Variants in CLIC5 observed in about 807,000 individuals in gnomAD.
CLIC5 encodes the protein chloride intracellular channel protein 5.
A neutral mutation model predicts 24.7 loss-of-function variants in CLIC5; 20 were observed. The ratio of observed to expected loss-of-function variants is 0.81; its 90% CI spans 0.57 to 1.18. The LOEUF (loss-of-function observed/expected upper bound fraction) is 1.18, where lower values mean the gene tolerates loss of function less well. Ranked by LOEUF, CLIC5 falls within the 50% of genes most tolerant of loss-of-function variation. The pLI is 0.00. For synonymous variants in CLIC5, 159 were observed against 135.6 expected (o/e 1.17, Z -1.20); for missense variants, 341 against 326.1 (o/e 1.05, Z -0.35).
chr6:46,106,754 C>T, the CLIC5 span, among the ~76,000 whole-genome samples: 7 of 152,188 alleles, frequency 4.6e-5, no homozygotes, highest in East Asian at 1.9e-4. Context: ...CCAAACTCCT[C>T]GAAAAAGCTA....
chr6:45,988,333 G>A (rs914781427), intron 1 of CLIC5, among the ~76,000 whole-genome samples: 1 of 152,128 alleles, frequency 6.6e-6, no homozygotes, highest in African/African-American at 2.4e-5. Context: ...TAGCCTGCTG[G>A]GGTGGCAGTT....
chr6:45,999,242 C>T (rs529047848), intron 1 of CLIC5, among the ~76,000 whole-genome samples: 36 of 152,106 alleles, frequency 2.4e-4, no homozygotes, highest in African/African-American at 8.4e-4. Flanking sequence ...AACAGAATGG[C>T]AGAAAGCAGA....
intron 1 of CLIC5, among the ~76,000 whole-genome samples, chr6:46,049,868 G>C (rs752326937): frequency 1.3e-5 from 2 of 152,198 alleles, no homozygotes. Flanking sequence ...AGTTAAACAA[G>C]ATTCAAGGTT....
intron 4 of CLIC5, chr6:45,937,619 A>G (rs1441130333): frequency 6.6e-6 from 1 of 152,274 alleles, no homozygotes; most frequent in Admixed American, 6.5e-5. Context: ...TGGCAACTCC[A>G]GAACCTAGCA....
intron 4 of CLIC5, among the ~76,000 whole-genome samples, chr6:45,926,415 A>T (rs1019673114): frequency 1.6e-4 from 22 of 140,868 alleles, no homozygotes; most frequent in African/African-American, 3.9e-4. Flanking sequence ...ACCCGGCTAA[A>T]TTTTTTTTTT....
rs1339325745 is a variant in CLIC5 at position 46,070,335 on chromosome 6, G to A, written c.540+9368C>T. Among the ~76,000 whole-genome samples the A allele has an allele frequency of 3.9e-5, 6 of 152,200 alleles. No individual in the cohort carries two copies. The South Asian group carries it at 1.0e-3, about 26-fold the overall frequency. ...ATATCTAGAAAACCCCATAGTCTTG[G>A]CCCAAAAGCTCCTTAAGCTAGTAAG... On this transcript the variant is annotated intron_variant, in intron 1 of 5. Coordinates refer to the CLIC5 transcript ENST00000185206.
intron 1 of CLIC5, among the ~76,000 whole-genome samples, chr6:46,053,570 TCC>T (rs1768163473): frequency 6.6e-6 from 1 of 152,168 alleles, no homozygotes; most frequent in Admixed American, 6.5e-5. Context: ...TGGCCTTCCC[TCC>T]CACCCAGTAA....
chr6:45,985,613 A>G (rs1429600366), intron 1 of CLIC5, among the ~76,000 whole-genome samples: 2 of 152,022 alleles, frequency 1.3e-5, no homozygotes, highest in South Asian at 2.1e-4. Flanking sequence ...AATAGCATCA[A>G]GGGGCTCCCT....
chr6:46,002,020 G>C (rs78593057), intron 1 of CLIC5, among the ~76,000 whole-genome samples: 2,344 of 152,046 alleles, frequency 0.015, 70 homozygotes, highest in African/African-American at 0.055. Flanking sequence ...CCCCACACCA[G>C]GGAGTAAACT....
the CLIC5 span, among the ~76,000 whole-genome samples, chr6:46,118,811 C>T: frequency 2.6e-5 from 4 of 152,202 alleles, no homozygotes; most frequent in Non-Finnish European, 5.9e-5. Context: ...TGTCTACATC[C>T]TAATCCCCAG....
At chr6:45,914,633 C>G in intron 4 of CLIC5, 2 of 858,986 alleles carry the variant, frequency 2.3e-6, no homozygotes, top group Non-Finnish European at 3.0e-6. Flanking sequence ...ACTAGCTAAT[C>G]TTTTGCTTTG....
At chr6:45,916,682 G>T (rs899012975) in intron 4 of CLIC5, among the ~76,000 whole-genome samples, 4 of 152,208 alleles carry the variant, frequency 2.6e-5, no homozygotes, top group African/African-American at 9.7e-5. Flanking sequence ...TTGGTGAAAA[G>T]CCTAGAGCAG....
At chr6:46,040,222 G>T (rs1422506724) in intron 1 of CLIC5, among the ~76,000 whole-genome samples, 2 of 152,204 alleles carry the variant, frequency 1.3e-5, no homozygotes, top group East Asian at 3.8e-4. Context: ...TGGTGGTGGT[G>T]AAAATGATGG....
intron 4 of CLIC5, chr6:45,934,143 A>T (rs1418630011): frequency 1.3e-5 from 2 of 152,270 alleles, no homozygotes; most frequent in African/African-American, 2.4e-5. Flanking sequence ...TTGTCTGCTC[A>T]CAAGTTTAGA....
chr6:46,007,661 A>G (rs946286138), intron 1 of CLIC5, among the ~76,000 whole-genome samples: 21 of 151,730 alleles, frequency 1.4e-4, no homozygotes, highest in Non-Finnish European at 2.9e-5. Flanking sequence ...TTATCTCACT[A>G]CTCTTCCTTA....
chr6:45,882,667 C>T (rs920904861), intron 6 of CLIC5, among the ~76,000 whole-genome samples: 10 of 152,186 alleles, frequency 6.6e-5, no homozygotes, highest in African/African-American at 1.9e-4. Flanking sequence ...AATTAGAATG[C>T]TCCTTATAAT....
intron 1 of CLIC5, among the ~76,000 whole-genome samples, chr6:45,969,269 G>A (rs1047879858): frequency 6.6e-6 from 1 of 152,164 alleles, no homozygotes; most frequent in Non-Finnish European, 1.5e-5. Flanking sequence ...ACTGTAGATT[G>A]CAAGGAAAAT....
chr6:45,892,600 C>T (rs533781591), intron 6 of CLIC5, among the ~76,000 whole-genome samples: 19 of 152,314 alleles, frequency 1.2e-4, no homozygotes, highest in African/African-American at 4.6e-4. Context: ...AGCTTATTTC[C>T]ATGATGCAAC....
At chr6:45,989,633 T>C (rs761065973) in intron 1 of CLIC5, among the ~76,000 whole-genome samples, 3 of 152,238 alleles carry the variant, frequency 2.0e-5, no homozygotes, top group African/African-American at 4.8e-5. Flanking sequence ...TTGCTCTTTA[T>C]AGCAATCTCT....
Sources: allele counts gnomAD v4.1 joint callset (sites outside exome capture counted in the v4.1 genomes callset), GRCh38; gene constraint gnomAD v4.1.1; transcripts MANE v1.5; gene names NCBI Gene and HGNC (gene_info 2026-07-23, HGNC 2026-07-21).